SSUH2: variants seen among roughly 807,000 people sequenced by gnomAD.
SSUH2 encodes protein SSUH2 homolog.
Under a neutral mutation model 55.3 loss-of-function variants are expected in SSUH2, and 47 were observed. The observed-to-expected ratio is 0.85, with a 90% confidence interval of 0.67 to 1.08. The LOEUF (loss-of-function observed/expected upper bound fraction) is 1.08. Among genes scored for constraint, SSUH2 ranks in the 50% least tolerant of loss-of-function variants. SSUH2 has a pLI of 0.00. For missense variants in SSUH2, 535 were observed against 490.7 expected (o/e 1.09, Z -0.85); for synonymous variants, 212 against 191.5 (o/e 1.11, Z -0.89).
At chr3:8,644,321 T>A (rs1486155298) in intron 1 of SSUH2, among the ~76,000 whole-genome samples, 1 of 152,102 alleles carries the variant, frequency 6.6e-6, no homozygotes, top group Non-Finnish European at 1.5e-5. Flanking sequence ...TCACTTAGAT[T>A]TGGCTGGGAG....
Position 8,635,750 on chromosome 3 carries a change from G to T in SSUH2, c.127+9C>A, listed in dbSNP as rs760030982. 1 of 1,534,388 alleles carries T rather than the reference G, an allele frequency of 6.5e-7. No homozygotes were observed. Among genetic ancestry groups the T allele is most frequent in the African/African-American group, 1.4e-5 (1 of 73,080 alleles). On this transcript the variant is annotated intron_variant, in intron 2 of 11. Coordinates refer to ENST00000544814, the MANE Select transcript of SSUH2 (RefSeq NM_001256748.3). ...GAAGCCCAAAGAACCAAGCCCTCTT[G>T]GAACTTACTGCCCCCTTGAAGAAGC...
At chr3:8,631,503 G>A (rs1323846694) in intron 5 of SSUH2, among the ~76,000 whole-genome samples, 1 of 152,162 alleles carries the variant, frequency 6.6e-6, no homozygotes, top group African/African-American at 2.4e-5. Context: ...CTGCTGGGAG[G>A]GGAGCAGCAG....
At chr3:8,679,255 TC>T (rs1335946246) in intron 2 of SSUH2, among the ~76,000 whole-genome samples, 1 of 63,912 alleles carries the variant, frequency 1.6e-5, no homozygotes, top group African/African-American at 5.6e-5. Context: ...CAGCCAATTT[TC>T]CCCCTGGCTT....
chr3:8,666,245 G>A (rs902805053), intron 5 of SSUH2, among the ~76,000 whole-genome samples: 1 of 152,100 alleles, frequency 6.6e-6, no homozygotes, highest in Non-Finnish European at 1.5e-5. Context: ...AAAAAGAAAC[G>A]TTTAGCACTA....
intron 5 of SSUH2, among the ~76,000 whole-genome samples, chr3:8,664,226 T>G (rs531679302): frequency 1.3e-5 from 2 of 152,362 alleles, no homozygotes; most frequent in South Asian, 4.1e-4. Context: ...ATACAGGGGA[T>G]GTTACATCTT....
At chr3:8,657,788 A>G (rs1006704971) in intron 7 of SSUH2, among the ~76,000 whole-genome samples, 2 of 152,120 alleles carry the variant, frequency 1.3e-5, no homozygotes, top group Non-Finnish European at 2.9e-5. Context: ...AGTTCTGTAG[A>G]CTCCGACACC....
In SSUH2 at chr3:8,619,893, T is replaced by A; in HGVS notation, c.1103A>T (p.Tyr368Phe). 7 of 1,614,094 alleles carry A rather than the reference T, an allele frequency of 4.3e-6. No homozygotes were observed. Among genetic ancestry groups the A allele is most frequent in the Non-Finnish European group, 5.9e-6 (7 of 1,179,994 alleles). Residue 368 changes from tyrosine (Y) to phenylalanine (F), a missense_variant, in exon 12 of 12, where the codon TAT becomes TTT. Physicochemically the swap from Tyr to Phe is conservative, Grantham distance 22. Transcript: ENST00000544814. ...QVYAVDYPER[Y>F]CCGCTIV is the part of the protein sequence containing the mutation. ...TCACACGATGGTACAGCCACAGCAA[T>A]ACCGCTCAGGATAGTCCACCGCATA...
chr3:8,678,370 A>G (rs1384111423), intron 2 of SSUH2, among the ~76,000 whole-genome samples: 4 of 152,078 alleles, frequency 2.6e-5, no homozygotes, highest in East Asian at 1.9e-4. Flanking sequence ...GAGTAATATC[A>G]TCCTCTCCCT....
chr3:8,651,648 G>A (rs1360342613), intron 7 of SSUH2, among the ~76,000 whole-genome samples: 8 of 152,172 alleles, frequency 5.3e-5, no homozygotes, highest in Non-Finnish European at 1.0e-4. Flanking sequence ...AGAGCGATAA[G>A]TAACATCAGA....
chr3:8,667,557 C>T (rs1054704573), intron 5 of SSUH2, among the ~76,000 whole-genome samples: 12 of 152,198 alleles, frequency 7.9e-5, no homozygotes, highest in Non-Finnish European at 5.9e-5. Context: ...AAGCCTCTGA[C>T]ACCTGGGCAG....
At position 8,655,662 on chromosome 3, in the gene SSUH2, G is replaced by A. The variant is rs573156436; in HGVS notation, c.-307+3263C>T. ...AACTCGTTATGCACACAAACTAGTC[G>A]GAATCCCAAACATGCCTCGAATCCA... On this transcript the variant is annotated intron_variant, in intron 7 of 18. Transcript: ENST00000317371. Among the ~76,000 whole-genome samples, 6 of 152,278 alleles carry A rather than the reference G, an allele frequency of 3.9e-5. No homozygotes were observed. The South Asian group carries it at 6.2e-4, about 16-fold the overall frequency.
chr3:8,633,215 C>T (rs1699190284), intron 4 of SSUH2, among the ~76,000 whole-genome samples: 1 of 149,242 alleles, frequency 6.7e-6, no homozygotes, highest in African/African-American at 2.5e-5. Flanking sequence ...ACCATCTCAG[C>T]TCACCACAAC....
chr3:8,651,132 GT>G (rs1702352479), intron 7 of SSUH2, among the ~76,000 whole-genome samples: 1 of 152,222 alleles, frequency 6.6e-6, no homozygotes, highest in African/African-American at 2.4e-5. Flanking sequence ...AGGCCAGTCT[GT>G]TTGGTCACTG....
At chr3:8,674,358 GC>G (rs1704979938) in intron 3 of SSUH2, among the ~76,000 whole-genome samples, 2 of 152,166 alleles carry the variant, frequency 1.3e-5, no homozygotes, top group Non-Finnish European at 2.9e-5. Flanking sequence ...AGAGCAGGAG[GC>G]CCCGGACAAG....
rs998466702 is a variant in SSUH2, at chr3:8,633,847, TCA to T, written c.210-54_210-53del. 3.7e-6 allele frequency: 6 copies of T among 1,613,082 alleles called. No individual in the cohort carries two copies. The Admixed American group carries it at 5.0e-5, about 13-fold the overall frequency. ...GGGCTTCTGGGAAGGGCCTGTGGAC[TCA>T]CGCGGGCCAGCCAGCCTCCTCAACG... is the stretch of plus-strand genomic sequence containing the variant. On this transcript the variant is annotated intron_variant, in intron 3 of 11. Coordinates refer to ENST00000544814, the MANE Select transcript of SSUH2 (RefSeq NM_001256748.3).
upstream of SSUH2, among the ~76,000 whole-genome samples, chr3:8,648,655 G>A (rs1209278145): frequency 1.3e-5 from 2 of 152,064 alleles, no homozygotes; most frequent in Non-Finnish European, 2.9e-5. Flanking sequence ...GCTGCCCTGG[G>A]CTTCCCTCTA....
intron 7 of SSUH2, among the ~76,000 whole-genome samples, chr3:8,657,353 G>T (rs1304973075): frequency 6.6e-6 from 1 of 152,168 alleles, no homozygotes; most frequent in African/African-American, 2.4e-5. Flanking sequence ...GTCATGGAAG[G>T]TTAGGAGGCA....
At chr3:8,632,417 G>C (rs1698981220) in intron 4 of SSUH2, among the ~76,000 whole-genome samples, 2 of 152,238 alleles carry the variant, frequency 1.3e-5, no homozygotes, top group South Asian at 4.1e-4. Flanking sequence ...GTCTTTGATA[G>C]ATGGAGGTCC....
At chr3:8,648,040 C>A (rs1168253841), upstream of SSUH2, among the ~76,000 whole-genome samples, 1 of 152,208 alleles carries the variant, frequency 6.6e-6, no homozygotes, top group Admixed American at 6.5e-5. Context: ...AAGTCGTGGA[C>A]CTCTAACTGC....
Sources: allele counts gnomAD v4.1 joint callset (sites outside exome capture counted in the v4.1 genomes callset), GRCh38; gene constraint gnomAD v4.1.1; transcripts MANE v1.5; gene names NCBI Gene and HGNC (gene_info 2026-07-23, HGNC 2026-07-21).